USP24: variants seen among roughly 807,000 people sequenced by gnomAD.
USP24 encodes the protein ubiquitin specific peptidase 24.
Under a neutral mutation model 361.6 loss-of-function variants are expected in USP24, and 97 were observed. The observed-to-expected ratio is 0.27, with a 90% CI of 0.23 to 0.32. USP24 has a LOEUF of 0.32. Ranked by LOEUF, USP24 falls within the 10% of genes least tolerant of loss-of-function variation. The probability of loss-of-function intolerance (pLI) is 1.00; values close to 1 mark genes in which losing one functional copy is unlikely to be tolerated. For synonymous variants in USP24, 1,098 were observed against 1,124.6 expected (o/e 0.98, Z 0.47); for missense variants, 2,353 against 3,165.6 (o/e 0.74, Z 6.16).
chr1:55,073,895 G>A lies in USP24; in HGVS notation c.7459C>T (p.His2487Tyr). The A allele has an allele frequency of 1.3e-6, 2 of 1,575,464 alleles. No homozygotes were observed. The highest frequency in any genetic ancestry group is 1.7e-6 in the Non-Finnish European group (2 of 1,159,756). ...TENGLLALMH[H>Y]SNHVDSSRCY... ...CGACTACTGTCCACATGATTACTGTGGTGCATCAAAGCTGAGGGAAGAGAA... is the reference window on the plus strand; with the variant it reads ...CGACTACTGTCCACATGATTACTGTAGTGCATCAAAGCTGAGGGAAGAGAA... The change falls in exon 64 of 68, where the codon CAC becomes TAC. Residue 2487 changes from histidine to tyrosine, a missense_variant. His to Tyr is a moderately conservative substitution (Grantham distance 83). Around this residue, in one of 8 missense-constraint regions of USP24, gnomAD observed 598 missense variants for 761.9 expected, o/e 0.78. Coordinates refer to ENST00000294383, the MANE Select transcript of USP24 (RefSeq NM_015306.3).
At chr1:55,086,515 G>A (rs1645254729) in intron 55 of USP24, 1 of 161,488 alleles carries the variant, frequency 6.2e-6, no homozygotes, top group African/African-American at 2.4e-5. Context: ...GAAAGCAAAG[G>A]CCATGTGTGG....
At chr1:55,130,602 T>G (rs75895072) in intron 31 of USP24, among the ~76,000 whole-genome samples, 4,202 of 152,282 alleles carry the variant, frequency 0.028, 67 homozygotes, top group Non-Finnish European at 0.037. Context: ...TAGGTTGCTC[T>G]GGAGAAACAG....
chr1:55,094,581 T>C (rs565477953), intron 51 of USP24, among the ~76,000 whole-genome samples: 1 of 151,374 alleles, frequency 6.6e-6, no homozygotes, highest in African/African-American at 2.4e-5. Context: ...TGACCCAATA[T>C]ATTAAAAGGC....
In USP24 at chr1:55,096,607, T is replaced by C. The variant is rs1645501529; in HGVS notation, c.5952A>G (p.Gly1984=). ...FIKDRRGCGK[G]KWYKFNDTVI... is the part of the protein sequence containing the mutation. ...CTGTGTCATTAAATTTATACCACTT[T>C]CCTTTTCCACACCCTCTAGAACCCA... is the stretch of plus-strand genomic sequence containing the variant. The change falls in exon 50 of 68, where the codon GGA becomes GGG. Residue 1984 remains glycine, a synonymous_variant. Coordinates refer to ENST00000294383, the MANE Select transcript of USP24 (RefSeq NM_015306.3). 1 of 1,611,044 alleles carries C rather than the reference T, an allele frequency of 6.2e-7. No homozygotes were observed. The highest frequency in any genetic ancestry group is 8.5e-7 in the Non-Finnish European group (1 of 1,179,220).
At chr1:55,123,364 T>C (rs1040840457) in intron 36 of USP24, 83 bp downstream of exon 36, 10 of 1,399,270 alleles carry the variant, frequency 7.1e-6, no homozygotes, top group Non-Finnish European at 9.4e-6. Flanking sequence ...TGGGACCTTA[T>C]CTAGGAAGAA....
At chr1:55,148,333 T>C in intron 17 of USP24, 130 bp downstream of exon 17, 1 of 607,964 alleles carries the variant, frequency 1.6e-6, no homozygotes, top group Non-Finnish European at 2.7e-6. Flanking sequence ...TCAAGATTAT[T>C]AGATGATATA....
At chr1:55,081,550 GGTC>G in intron 58 of USP24, 126 bp from the exon 59 acceptor site, 1 of 876,194 alleles carries the variant, frequency 1.1e-6, no homozygotes, top group Non-Finnish European at 1.8e-6. Context: ...TGACAGAAGA[GGTC>G]AAGGTACAAA....
intron 54 of USP24, among the ~76,000 whole-genome samples, chr1:55,091,548 G>A (rs547437220): frequency 6.6e-6 from 1 of 152,296 alleles, no homozygotes; most frequent in African/African-American, 2.4e-5. Context: ...GGCACTAAGG[G>A]CACTCAGTGA....
chr1:55,182,177 A>G (rs1033257368), intron 1 of USP24, among the ~76,000 whole-genome samples: 1 of 152,074 alleles, frequency 6.6e-6, no homozygotes, highest in Non-Finnish European at 1.5e-5. Flanking sequence ...TCAGCCTCCC[A>G]AGTAGCTGGG....
chr1:55,162,421 GAATT>G (rs1000657336), intron 7 of USP24, among the ~76,000 whole-genome samples, 157 bp from the exon 8 acceptor site: 29 of 152,182 alleles, frequency 1.9e-4, no homozygotes, highest in Middle Eastern at 3.4e-3. Context: ...TGGATAGAAA[GAATT>G]GATATAAAGA....
At chr1:55,074,875 C>T (rs1388311498) in intron 63 of USP24, among the ~76,000 whole-genome samples, 1 of 151,908 alleles carries the variant, frequency 6.6e-6, no homozygotes, top group Non-Finnish European at 1.5e-5. Context: ...ATAGCAAAAT[C>T]TAAAATGATT....
chr1:55,112,588 G>A lies in USP24; in HGVS notation c.4509-2342C>T, dbSNP rs184878163. Among the ~76,000 whole-genome samples the A allele has an allele frequency of 2.0e-5, 3 of 152,306 alleles. No individual in the cohort carries two copies. The East Asian group carries it at 5.8e-4, about 29-fold the overall frequency. On this transcript the variant is annotated intron_variant, in intron 38 of 67. Transcript: ENST00000294383. ...TTTCCATGTAGTTGTGCGATTTTGA[G>A]TGAATTTCTTAATCCTGAGTTCTAA... is the stretch of plus-strand genomic sequence containing the variant.
rs751028772 is a variant in USP24, at chr1:55,166,565, T to C, written c.861+3A>G. 15 of 1,589,064 alleles carry C rather than the reference T, an allele frequency of 9.4e-6. No individual in the cohort carries two copies. In the Admixed American group the frequency reaches 2.5e-4, roughly 26 times the overall value. On this transcript the variant is annotated splice_donor_region_variant and intron_variant, in intron 6 of 67. Coordinates refer to ENST00000294383, the MANE Select transcript of USP24 (RefSeq NM_015306.3). ...CATGACAATATTAACAAAAGTCATATACCTTATTTACCAAATCCACAACCC... is the reference window on the plus strand; with the variant it reads ...CATGACAATATTAACAAAAGTCATACACCTTATTTACCAAATCCACAACCC...
At chr1:55,193,281 C>T (rs570279166) in intron 1 of USP24, among the ~76,000 whole-genome samples, 182 of 152,184 alleles carry the variant, frequency 1.2e-3, no homozygotes, top group African/African-American at 4.2e-3. Flanking sequence ...TTGAGCATTT[C>T]GGTATCTGTG....
chr1:55,080,463 A>T (rs182681540), intron 59 of USP24, among the ~76,000 whole-genome samples: 1 of 152,310 alleles, frequency 6.6e-6, no homozygotes. Context: ...GCCACTAACT[A>T]GCTGTATGAC....
intron 5 of USP24, among the ~76,000 whole-genome samples, chr1:55,168,602 G>A (rs1237815452): frequency 6.6e-6 from 1 of 152,056 alleles, no homozygotes; most frequent in Non-Finnish European, 1.5e-5. Context: ...ACTCAAGAAG[G>A]AAATGCAACG....
At chr1:55,106,052 T>A (rs1029580464) in intron 41 of USP24, 94 bp downstream of exon 41, 1 of 952,310 alleles carries the variant, frequency 1.1e-6, no homozygotes, top group Admixed American at 2.0e-5. Flanking sequence ...GACTCACAGA[T>A]GGAAGACAAA....
At position 55,079,666 on chromosome 1, in the gene USP24, G is replaced by A. The variant is rs1366097943; in HGVS notation, c.7079-7C>T. The stretch of plus-strand genomic sequence containing the variant: ...TGCTTAAATATGCCAGGAGCTTTAG[G>A]AGACCAAAGAAACAAAACAGAACCT... On this transcript the variant is annotated splice_region_variant and splice_polypyrimidine_tract_variant and intron_variant, in intron 59 of 67. Transcript: ENST00000294383. The A allele has an allele frequency of 6.6e-7, 1 of 1,525,688 alleles. No homozygotes were observed. Among genetic ancestry groups the A allele is most frequent in the Non-Finnish European group, 8.7e-7 (1 of 1,146,966 alleles). The allele number at this position is 1,525,688 out of a possible 1,614,324, so 94.5% of individuals were successfully genotyped here. A position where few individuals can be genotyped will look rare whatever the true frequency, so the allele number is the denominator to read the frequency against.
intron 1 of USP24, among the ~76,000 whole-genome samples, chr1:55,203,668 T>C (rs1644635117): frequency 6.6e-6 from 1 of 152,240 alleles, no homozygotes; most frequent in Non-Finnish European, 1.5e-5. Flanking sequence ...TCCTCCTTAA[T>C]AGATGCTTAA....
Sources: allele counts gnomAD v4.1 joint callset (sites outside exome capture counted in the v4.1 genomes callset), GRCh38; gene constraint gnomAD v4.1.1; regional missense constraint gnomAD v4.1.1; transcripts MANE v1.5; gene names NCBI Gene and HGNC (gene_info 2026-07-23, HGNC 2026-07-21).